PCDHA4: variants seen among roughly 807,000 people sequenced by gnomAD.
The protein encoded by PCDHA4 is protocadherin alpha 4.
Under a neutral mutation model 61.4 loss-of-function variants are expected in PCDHA4, and 49 were observed. The observed-to-expected ratio is 0.80, with a 90% CI of 0.63 to 1.01. PCDHA4 has a LOEUF of 1.01. Ranked by LOEUF, PCDHA4 falls within the 50% of genes least tolerant of loss-of-function variation. The pLI is 0.00. For missense variants in PCDHA4, 1,254 were observed against 1,235.8 expected (o/e 1.01, Z -0.22); for synonymous variants, 590 against 550.3 (o/e 1.07, Z -1.01).
intron 1 of PCDHA4, among the ~76,000 whole-genome samples, chr5:140,969,881 G>C (rs1554232131): frequency 6.6e-6 from 1 of 152,196 alleles, no homozygotes; most frequent in African/African-American, 2.4e-5. Flanking sequence ...CTATGTGATA[G>C]GATCCTCTGG....
intron 1 of PCDHA4, among the ~76,000 whole-genome samples, chr5:140,922,803 A>G (rs2080995467): frequency 6.6e-6 from 1 of 152,246 alleles, no homozygotes; most frequent in African/African-American, 2.4e-5. Flanking sequence ...TGGAATACAG[A>G]AAAAGGAGAT....
At chr5:140,990,367 A>G (rs1162635749) in intron 3 of PCDHA4, among the ~76,000 whole-genome samples, 1 of 152,104 alleles carries the variant, frequency 6.6e-6, no homozygotes, top group Non-Finnish European at 1.5e-5. Context: ...AATCTAATAA[A>G]GCAAATTTGT....
rs782722148 is a variant in PCDHA4 at position 140,857,308 on chromosome 5, T to C, written c.2385+47736T>C. 3.4e-5 allele frequency: 54 copies of C among 1,598,232 alleles called. 3 individuals carry two copies. The highest frequency in any genetic ancestry group is 4.5e-5 in the Non-Finnish European group (53 of 1,167,612). On this transcript the variant is annotated intron_variant, in intron 1 of 3. Transcript: ENST00000530339. ...TGGACCGCGAGAGGGTGTCGGCCTA[T>C]GAGCTGGTGGTGACCGCGCGGGACG...
chr5:140,985,498 C>G (rs540282855), intron 3 of PCDHA4, among the ~76,000 whole-genome samples: 2 of 152,274 alleles, frequency 1.3e-5, no homozygotes, highest in African/African-American at 4.8e-5. Flanking sequence ...ATAGAGCCTG[C>G]CTTTCATTGA....
Position 140,808,001 on chromosome 5 carries a change from G to A in PCDHA4, c.814G>A (p.Gly272Arg), listed in dbSNP as rs1361329408. The A allele has an allele frequency of 3.1e-6, 5 of 1,613,604 alleles. No individual in the cohort carries two copies. The highest frequency in any genetic ancestry group is 3.4e-6 in the Non-Finnish European group (4 of 1,179,684). Reference sequence around the variant, plus strand: ...ACTTAACGCCTCAGATTTAGACGAAGGATTGAATGGGGACATTGTTTATTC... The same window carrying A: ...ACTTAACGCCTCAGATTTAGACGAAAGATTGAATGGGGACATTGTTTATTC... ...IKLNASDLDE[G>R]LNGDIVYSFS... The change falls in exon 1 of 4, where the codon GGA (glycine) becomes AGA (arginine). Residue 272 changes from glycine (G) to arginine (R), a missense_variant. Transcript: ENST00000530339.
chr5:140,862,502 G>A (rs2047397445), intron 1 of PCDHA4: 2 of 398,710 alleles, frequency 5.0e-6, no homozygotes, highest in Non-Finnish European at 5.0e-6. Flanking sequence ...TCGGAATGGG[G>A]ACTCGCTTTC....
rs2150354171 is a variant in PCDHA4, at chr5:140,843,161, G to C, written c.2385+33589G>C. 3.6e-5 allele frequency: 58 copies of C among 1,595,996 alleles called. 4 individuals are homozygous for C. In the South Asian group the frequency reaches 6.1e-4, roughly 17 times the overall value. ...GTGGCTTTCGTATGAGCTGCAGCCA[G>C]CTGCAAGCAGCCCTCGCATCCCGTT... On this transcript the variant is annotated intron_variant, in intron 1 of 3. Coordinates refer to ENST00000530339, the MANE Select transcript of PCDHA4 (RefSeq NM_018907.4).
intron 1 of PCDHA4, among the ~76,000 whole-genome samples, chr5:140,978,306 A>C (rs2096795659): frequency 6.6e-6 from 1 of 152,230 alleles, no homozygotes; most frequent in Non-Finnish European, 1.5e-5. Flanking sequence ...GCACTCAGGA[A>C]GGAGCAGGAA....
At chr5:140,864,479 C>T (rs1272499335) in intron 1 of PCDHA4, 1 of 152,160 alleles carries the variant, frequency 6.6e-6, no homozygotes, top group Non-Finnish European at 1.5e-5. Flanking sequence ...ATGTTGATTG[C>T]AGTGGGTGGA....
At chr5:140,967,790 C>T in intron 1 of PCDHA4, 1 of 1,614,188 alleles carries the variant, frequency 6.2e-7, no homozygotes, top group Non-Finnish European at 8.5e-7. Flanking sequence ...TGACCGGGGT[C>T]CAGTGCCCAT....
At chr5:140,823,752 A>G (rs1767861225) in intron 1 of PCDHA4, 4 of 1,613,706 alleles carry the variant, frequency 2.5e-6, no homozygotes. Context: ...CCCCGCTGAC[A>G]GCCACAGCCA....
chr5:140,868,751 C>A, intron 1 of PCDHA4: 1 of 215,966 alleles, frequency 4.6e-6, no homozygotes, highest in Non-Finnish European at 9.2e-6. Flanking sequence ...ATGCCATTTC[C>A]ATATATATTT....
chr5:140,815,532 T>TTA (rs1562243795), intron 1 of PCDHA4: 1 of 151,194 alleles, frequency 6.6e-6, no homozygotes, highest in Non-Finnish European at 1.5e-5. Context: ...ATATTGTGTA[T>TTA]ACATTATTTT....
rs782423945 is a variant in PCDHA4 at position 140,807,687 on chromosome 5, T to C, written c.500T>C (p.Leu167Pro). ...GATGCAGATATCGGGGAGAACGCCC[T>C]GCTCACTTACAGACTGAGCCCAAAT... ...ASDADIGENA[L>P]LTYRLSPNEY... Residue 167 changes from leucine to proline, a missense_variant, in exon 1 of 4, where the codon CTG (leucine) becomes CCG (proline). Leu to Pro is a moderately conservative substitution (Grantham distance 98). Coordinates refer to ENST00000530339, the MANE Select transcript of PCDHA4 (RefSeq NM_018907.4). 1.2e-6 allele frequency: 2 copies of C among 1,614,228 alleles called. No individual in the cohort carries two copies. The highest frequency in any genetic ancestry group is 1.7e-6 in the Non-Finnish European group (2 of 1,180,028).
At chr5:140,940,139 C>G (rs984432706) in intron 1 of PCDHA4, among the ~76,000 whole-genome samples, 16 of 152,010 alleles carry the variant, frequency 1.1e-4, no homozygotes, top group Admixed American at 1.0e-3. Context: ...TAGTGATAAA[C>G]TATTATAGTT....
chr5:140,873,126 G>A (rs2054115570), intron 1 of PCDHA4, among the ~76,000 whole-genome samples: 1 of 152,124 alleles, frequency 6.6e-6, no homozygotes, highest in Admixed American at 6.5e-5. Context: ...AATATTCAAA[G>A]AGTCTATGCT....
intron 3 of PCDHA4, among the ~76,000 whole-genome samples, chr5:141,005,012 G>T (rs782256217): frequency 3.3e-5 from 5 of 152,212 alleles, no homozygotes; most frequent in Non-Finnish European, 4.4e-5. Context: ...CCTGAGAGCT[G>T]CATTATATAT....
intron 1 of PCDHA4, among the ~76,000 whole-genome samples, chr5:140,931,907 G>T (rs573618162): frequency 6.6e-6 from 1 of 151,782 alleles, no homozygotes; most frequent in Non-Finnish European, 1.5e-5. Flanking sequence ...CATTTGAAAA[G>T]CATGACATTT....
intron 3 of PCDHA4, among the ~76,000 whole-genome samples, chr5:140,986,669 G>C (rs1448376850): frequency 6.6e-6 from 1 of 152,138 alleles, no homozygotes; most frequent in African/African-American, 2.4e-5. Flanking sequence ...ACAGTTTTCA[G>C]AAGAGTTCAG....
Sources: allele counts gnomAD v4.1 joint callset (sites outside exome capture counted in the v4.1 genomes callset), GRCh38; gene constraint gnomAD v4.1.1; transcripts MANE v1.5; gene names NCBI Gene and HGNC (gene_info 2026-07-23, HGNC 2026-07-21).